Variants in PLB1 observed in about 807,000 individuals in gnomAD.
The protein encoded by PLB1 is phospholipase B1, membrane-associated.
A neutral mutation model predicts 227.4 loss-of-function variants in PLB1; 242 were observed. The observed-to-expected ratio is 1.06, with a 90% confidence interval of 0.96 to 1.18. The LOEUF (loss-of-function observed/expected upper bound fraction) is 1.18. Ranked by LOEUF, PLB1 falls within the 50% of genes most tolerant of loss-of-function variation. The pLI is 0.00. For missense variants in PLB1, 1,858 were observed against 1,816.3 expected (o/e 1.02, Z -0.42); for synonymous variants, 757 against 682.2 (o/e 1.11, Z -1.71).
chr2:28,543,027 C>G (rs543179560), intron 13 of PLB1, among the ~76,000 whole-genome samples, 185 bp from the exon 14 acceptor site: 1 of 152,244 alleles, frequency 6.6e-6, no homozygotes, highest in East Asian at 1.9e-4. Flanking sequence ...AGGCCCTGAC[C>G]TCAGGGCCCT....
In PLB1 at chr2:28,529,731, C is replaced by CT; in HGVS notation, c.422dup (p.Leu141PhefsTer19). 1.2e-6 allele frequency: 2 copies of CT among 1,614,048 alleles called. No homozygotes were observed. The highest frequency in any genetic ancestry group is 1.1e-5 in the South Asian group (1 of 91,076). ...CTGTTTCCCTCCCTCTGCACAGAGA[C>CT]TTGTGGATTCAGGCTCAAGAACTGG... On this transcript the variant is annotated frameshift_variant, in exon 8 of 58. Coordinates refer to ENST00000327757, the MANE Select transcript of PLB1 (RefSeq NM_153021.5). LOFTEE classifies it high-confidence loss of function.
At chr2:28,539,303 A>T in intron 11 of PLB1, 125 bp downstream of exon 11, 1 of 855,754 alleles carries the variant, frequency 1.2e-6, no homozygotes, top group Non-Finnish European at 1.9e-6. Flanking sequence ...AAGGAGGCCG[A>T]GAAACACATG....
At chr2:28,576,335 C>T (rs1446674231) in intron 21 of PLB1, among the ~76,000 whole-genome samples, 1 of 152,188 alleles carries the variant, frequency 6.6e-6, no homozygotes, top group Non-Finnish European at 1.5e-5. Flanking sequence ...CAGCAGTGCA[C>T]CATTTACAAG....
intron 16 of PLB1, among the ~76,000 whole-genome samples, chr2:28,551,356 A>G (rs1376031014): frequency 1.3e-5 from 2 of 152,214 alleles, no homozygotes; most frequent in Admixed American, 1.3e-4. Flanking sequence ...TCCTCTGGGA[A>G]AGCAAGGAAC....
intron 37 of PLB1, 57 bp downstream of exon 37, chr2:28,601,389 T>C: frequency 1.4e-6 from 2 of 1,451,076 alleles, no homozygotes; most frequent in Non-Finnish European, 1.9e-6. Flanking sequence ...CAGTAGGCGT[T>C]GGAGATCTTC....
At chr2:28,630,456 C>T in intron 53 of PLB1, 130 bp from the exon 54 acceptor site, 1 of 663,298 alleles carries the variant, frequency 1.5e-6, no homozygotes, top group Non-Finnish European at 2.6e-6. Context: ...TCACCCCCCG[C>T]CCTAGGTAAG....
At chr2:28,604,584 C>A in intron 40 of PLB1, 71 bp from the exon 41 acceptor site, 1 of 1,255,784 alleles carries the variant, frequency 8.0e-7, no homozygotes, top group Non-Finnish European at 1.1e-6. Context: ...GCCCACCACC[C>A]CTACTCTTGC....
chr2:28,604,862 A>C (rs1475382764), intron 41 of PLB1, 103 bp downstream of exon 41: 1 of 1,051,506 alleles, frequency 9.5e-7, no homozygotes, highest in Non-Finnish European at 1.4e-6. Flanking sequence ...GGAAAGACAC[A>C]GCTCTCCAGA....
At chr2:28,513,774 T>A (rs1221126736) in intron 1 of PLB1, among the ~76,000 whole-genome samples, 2 of 152,232 alleles carry the variant, frequency 1.3e-5, no homozygotes, top group African/African-American at 4.8e-5. Context: ...TAGGAAAAGA[T>A]GTGGGGCTCC....
Position 28,531,684 on chromosome 2 carries a change from C to G in PLB1, c.469-424C>G, listed in dbSNP as rs1264585503. Among the ~76,000 whole-genome samples, 5 of 152,330 alleles carry G rather than the reference C, an allele frequency of 3.3e-5. No individual in the cohort carries two copies. In the East Asian group the frequency reaches 9.6e-4, roughly 29 times the overall value. ...CCATGATAATTACATTTTTCAGCATCATTTTAAAAGCTACATAGTGTTTCA... is the reference window on the plus strand; with the variant it reads ...CCATGATAATTACATTTTTCAGCATGATTTTAAAAGCTACATAGTGTTTCA... On this transcript the variant is annotated intron_variant, in intron 8 of 57. Coordinates refer to ENST00000327757, the MANE Select transcript of PLB1 (RefSeq NM_153021.5).
chr2:28,525,672 A>G (rs1670147407), intron 5 of PLB1, among the ~76,000 whole-genome samples: 1 of 152,096 alleles, frequency 6.6e-6, no homozygotes, highest in South Asian at 2.1e-4. Flanking sequence ...GCAGCTTTGG[A>G]CCAGATGAGA....
At chr2:28,618,454 C>G in intron 46 of PLB1, 55 bp downstream of exon 46, 1 of 1,553,196 alleles carries the variant, frequency 6.4e-7, no homozygotes, top group East Asian at 2.2e-5. Flanking sequence ...CCAGGCCCTG[C>G]GCAGAATCTG....
In PLB1 at chr2:28,618,307, C is replaced by T. The variant is rs769672695; in HGVS notation, c.3257-34C>T. The T allele has an allele frequency of 8.8e-6, 14 of 1,599,534 alleles. No homozygotes were observed. The Admixed American group carries it at 1.2e-4, about 13-fold the overall frequency. On this transcript the variant is annotated intron_variant, in intron 45 of 57. Transcript: ENST00000327757. ...TACTTTAAGAGGTAGATACCCCCAG[C>T]CCCCACAACCACCTCTCTGCTTGTC...
chr2:28,519,649 C>A (rs1365986637), intron 3 of PLB1, 56 bp from the exon 4 acceptor site: 8 of 1,356,552 alleles, frequency 5.9e-6, no homozygotes, highest in Non-Finnish European at 7.3e-6. Flanking sequence ...GTATCCTTGG[C>A]CGACATCATG....
chr2:28,545,963 C>T (rs1673192376), intron 14 of PLB1, among the ~76,000 whole-genome samples: 1 of 152,172 alleles, frequency 6.6e-6, no homozygotes, highest in African/African-American at 2.4e-5. Flanking sequence ...CTCTGCAGCC[C>T]ACAAAGCCAC....
chr2:28,609,231 TTC>T (rs1685102124), intron 43 of PLB1, among the ~76,000 whole-genome samples: 1 of 152,126 alleles, frequency 6.6e-6, no homozygotes, highest in Non-Finnish European at 1.5e-5. Context: ...CTGTTTTCTT[TTC>T]TCTCTCTCCA....
chr2:28,550,220 T>C, intron 16 of PLB1, 136 bp downstream of exon 16: 1 of 595,830 alleles, frequency 1.7e-6, no homozygotes, highest in Admixed American at 3.1e-5. Flanking sequence ...TTGCCCAGGC[T>C]GGAGTTCAGT....
Position 28,643,114 on chromosome 2 carries a change from C to A in PLB1, c.*53C>A. The A allele has an allele frequency of 6.8e-7, 1 of 1,464,894 alleles. No individual in the cohort carries two copies. The highest frequency in any genetic ancestry group is 1.4e-5 in the South Asian group (1 of 71,056). 90.7% of individuals were successfully genotyped at this position (1,464,894 alleles called of 1,614,324 possible). On this transcript the variant is annotated 3_prime_UTR_variant, in exon 58 of 58. Transcript: ENST00000327757. ...TCCCTATAGCCACTCTCTTCACCGC[C>A]CTCTGCCCCAGCCACTCCCGGCCAC...
intron 16 of PLB1, among the ~76,000 whole-genome samples, chr2:28,552,077 A>G (rs1250175032): frequency 6.6e-6 from 1 of 152,242 alleles, no homozygotes; most frequent in African/African-American, 2.4e-5. Flanking sequence ...AGAAATAGAC[A>G]AGTCAACAGG....
Sources: gnomAD v4.1 joint callset for allele counts (sites outside exome capture counted in the v4.1 genomes callset) on GRCh38, gnomAD v4.1.1 for gene constraint, MANE v1.5 for transcripts, NCBI Gene and HGNC (gene_info 2026-07-23, HGNC 2026-07-21) for gene names.